The following SCGB2B2 variants were observed in gnomAD, a reference collection of about 807,000 sequenced individuals.
The protein encoded by SCGB2B2 is secretoglobin family 2B member 2, also known as secretoglobin-like protein.
In SCGB2B2, 11 loss-of-function variants were observed where a neutral mutation model predicts 7.6. The ratio of observed to expected loss-of-function variants is 1.45; its 90% CI spans 0.91 to 2.40. The LOEUF is 2.40. SCGB2B2 is among the 30% of genes most tolerant of loss of function. The probability of loss-of-function intolerance (pLI) is 0.00; values close to 1 mark genes in which losing one functional copy is unlikely to be tolerated. For missense variants in SCGB2B2, 104 were observed against 115.4 expected, an observed-to-expected ratio of 0.90 and a Z score of 0.45; for synonymous variants, 50 against 48.6, an observed-to-expected ratio of 1.03 and a Z score of -0.12.
At chr19:34,640,081 T>TA (rs1292846802) in intron 1 of SCGB2B2, among the ~76,000 whole-genome samples, 1 of 152,164 alleles carries the variant, frequency 6.6e-6, no homozygotes, top group Non-Finnish European at 1.5e-5. Flanking sequence ...TGATAACCTA[T>TA]GCATCTAACA....
chr19:34,606,065 GTAGTTTT>G (rs1568430065), intron 1 of SCGB2B2, among the ~76,000 whole-genome samples: 1 of 149,126 alleles, frequency 6.7e-6, no homozygotes, highest in African/African-American at 2.5e-5. Flanking sequence ...TTTATTTTAC[GTAGTTTT>G]TAAAATTTTT....
intron 1 of SCGB2B2, among the ~76,000 whole-genome samples, chr19:34,598,361 G>A (rs1240072953): frequency 6.6e-6 from 1 of 152,226 alleles, no homozygotes; most frequent in East Asian, 1.9e-4. Flanking sequence ...CCAAGGCACA[G>A]GCACTGGCCT....
chr19:34,614,754 C>T (rs919456031), intron 1 of SCGB2B2, among the ~76,000 whole-genome samples: 3 of 152,184 alleles, frequency 2.0e-5, no homozygotes, highest in Non-Finnish European at 4.4e-5. Context: ...TTTAGAGTTG[C>T]TTTCATAAAG....
chr19:34,669,714 T>TACACACACACACACACACAC (rs1555750462), intron 1 of SCGB2B2, among the ~76,000 whole-genome samples: 6,803 of 139,474 alleles, frequency 0.049, 399 homozygotes, highest in African/African-American at 0.12. Flanking sequence ...TGCCCCCACT[T>TACACACACACACACACACAC]ACACACACAC....
chr19:34,603,856 G>A (rs929187483), intron 1 of SCGB2B2, among the ~76,000 whole-genome samples: 1 of 146,724 alleles, frequency 6.8e-6, no homozygotes, highest in South Asian at 2.1e-4. Flanking sequence ...GAGTGCAGGG[G>A]CTATTCACAG....
chr19:34,674,733 T>C (rs2067880416), intron 1 of SCGB2B2, among the ~76,000 whole-genome samples: 1 of 152,194 alleles, frequency 6.6e-6, no homozygotes, highest in South Asian at 2.1e-4. Flanking sequence ...AAGAGTTTGC[T>C]GATTACCAGA....
intron 1 of SCGB2B2, among the ~76,000 whole-genome samples, chr19:34,604,533 T>C (rs2065724244): frequency 6.6e-6 from 1 of 152,232 alleles, no homozygotes; most frequent in African/African-American, 2.4e-5. Context: ...TGATCATCAA[T>C]GATTGTCATT....
intron 1 of SCGB2B2, among the ~76,000 whole-genome samples, chr19:34,597,604 C>T (rs925464896): frequency 6.6e-5 from 10 of 152,210 alleles, no homozygotes; most frequent in South Asian, 2.1e-4. Flanking sequence ...CTGGGCTATG[C>T]GCCTTGTGAC....
Position 34,612,193 on chromosome 19 carries a change from C to T in SCGB2B2, c.-2031-15599G>A, listed in dbSNP as rs143730076. On this transcript the variant is annotated intron_variant, in intron 1 of 3. Transcript: ENST00000601241. ...AGCTGGGCCTACAGGCATGCACCACCACACCTGGCTAATTTTTTGTATTTC... is the reference window on the plus strand; with the variant it reads ...AGCTGGGCCTACAGGCATGCACCACTACACCTGGCTAATTTTTTGTATTTC... Among the ~76,000 whole-genome samples, 558 of 151,926 alleles carry T rather than the reference C, an allele frequency of 3.7e-3. 2 individuals are homozygous for T. The highest frequency in any genetic ancestry group is 6.8e-3 in the Non-Finnish European group (463 of 67,944).
rs1349229350 is a variant in SCGB2B2 at position 34,593,542 on chromosome 19, AG to A, written c.*12del. On this transcript the variant is annotated 3_prime_UTR_variant, in exon 4 of 4. Coordinates refer to ENST00000601241, the MANE Select transcript of SCGB2B2 (RefSeq NM_001025591.4). The stretch of plus-strand genomic sequence containing the variant: ...GCAGGAGGGCCAATATCTGATCTGC[AG>A]GGGTCCTCAGATCAGAAGGCTGCTT... 6.5e-7 allele frequency: 1 copy of A among 1,544,766 alleles called. No homozygotes were observed. The highest frequency in any genetic ancestry group is 8.8e-7 in the Non-Finnish European group (1 of 1,141,070).
intron 1 of SCGB2B2, among the ~76,000 whole-genome samples, chr19:34,599,665 T>G (rs574839623): frequency 6.6e-6 from 1 of 152,218 alleles, no homozygotes; most frequent in South Asian, 2.1e-4. Flanking sequence ...CAAGATGAGA[T>G]TTGGGTGGGG....
At chr19:34,590,041 CT>C (rs1399734178), downstream of SCGB2B2, among the ~76,000 whole-genome samples, 5 of 152,324 alleles carry the variant, frequency 3.3e-5, no homozygotes, top group African/African-American at 9.6e-5. Flanking sequence ...CACAAGTTCT[CT>C]GAGTATGTCC....
intron 1 of SCGB2B2, among the ~76,000 whole-genome samples, chr19:34,636,838 T>TC (rs1228629723): frequency 1.3e-5 from 2 of 151,846 alleles, no homozygotes; most frequent in African/African-American, 4.8e-5. Flanking sequence ...CCAGAGCCAG[T>TC]CCCCGCCAGA....
chr19:34,659,752 T>C (rs527943431), intron 1 of SCGB2B2, among the ~76,000 whole-genome samples: 11 of 152,276 alleles, frequency 7.2e-5, no homozygotes, highest in African/African-American at 2.6e-4. Context: ...CCCATCAAAC[T>C]ACCAATGACT....
intron 1 of SCGB2B2, among the ~76,000 whole-genome samples, chr19:34,633,295 G>A (rs1015174679): frequency 6.6e-6 from 1 of 152,160 alleles, no homozygotes; most frequent in Non-Finnish European, 1.5e-5. Flanking sequence ...TTACTCCTAG[G>A]TATTAACATA....
chr19:34,613,423 A>T (rs1251593109), intron 1 of SCGB2B2, among the ~76,000 whole-genome samples: 1 of 152,134 alleles, frequency 6.6e-6, no homozygotes, highest in Non-Finnish European at 1.5e-5. Flanking sequence ...TTCAATTGGT[A>T]TATATCTTTA....
intron 1 of SCGB2B2, among the ~76,000 whole-genome samples, chr19:34,625,390 C>T (rs375161067): frequency 3.3e-4 from 50 of 152,290 alleles, no homozygotes; most frequent in South Asian, 3.1e-3. Context: ...GGGTGACAGA[C>T]GGCACATGGA....
intron 1 of SCGB2B2, among the ~76,000 whole-genome samples, chr19:34,633,888 C>A (rs1236782071): frequency 6.6e-6 from 1 of 152,130 alleles, no homozygotes; most frequent in African/African-American, 2.4e-5. Flanking sequence ...TATTCTCATT[C>A]TTTGGAAGGG....
At chr19:34,609,187 T>C (rs985078558) in intron 1 of SCGB2B2, among the ~76,000 whole-genome samples, 1 of 152,080 alleles carries the variant, frequency 6.6e-6, no homozygotes, top group Admixed American at 6.5e-5. Flanking sequence ...TTTTTCCATG[T>C]TGAGCTGTTT....
Sources: allele counts gnomAD v4.1 joint callset (sites outside exome capture counted in the v4.1 genomes callset), GRCh38; gene constraint gnomAD v4.1.1; transcripts MANE v1.5; gene names NCBI Gene and HGNC (gene_info 2026-07-23, HGNC 2026-07-21).